PACSIN3: variants seen among roughly 807,000 people sequenced by gnomAD.
PACSIN3 encodes protein kinase C and casein kinase substrate in neurons protein 3.
Under a neutral mutation model 56.1 loss-of-function variants are expected in PACSIN3, and 34 were observed. The observed-to-expected ratio is 0.61, with a 90% CI of 0.46 to 0.81. The LOEUF is 0.81. Ranked by LOEUF, PACSIN3 falls within the 30% of genes least tolerant of loss-of-function variation. The pLI is 0.00. For missense variants in PACSIN3, 535 were observed against 592.4 expected (o/e 0.90, Z 1.01); for synonymous variants, 218 against 229.8 (o/e 0.95, Z 0.46).
At chr11:47,182,120 T>C (rs1435832529) in intron 4 of PACSIN3, among the ~76,000 whole-genome samples, 3 of 139,756 alleles carry the variant, frequency 2.1e-5, no homozygotes, top group East Asian at 2.0e-4. Flanking sequence ...CACTCCAGCA[T>C]GGGCAACAAG....
At chr11:47,181,688 G>A (rs569371365) in intron 4 of PACSIN3, among the ~76,000 whole-genome samples, 3 of 152,300 alleles carry the variant, frequency 2.0e-5, no homozygotes, top group African/African-American at 7.2e-5. Flanking sequence ...GCCAAGTGTG[G>A]TGGTCCATGC....
At chr11:47,182,378 T>C in intron 4 of PACSIN3, 25 bp downstream of exon 4, 1 of 1,582,674 alleles carries the variant, frequency 6.3e-7, no homozygotes, top group South Asian at 1.1e-5. Context: ...AGCTGCCCTC[T>C]GCCCCCTGCG....
intron 1 of PACSIN3, among the ~76,000 whole-genome samples, chr11:47,183,924 A>G (rs962339116): frequency 3.3e-5 from 5 of 152,054 alleles, no homozygotes; most frequent in Admixed American, 6.6e-5. Flanking sequence ...TAGGAGGCTG[A>G]GGCATGAGAA....
Position 47,179,243 on chromosome 11 carries a change from A to T in PACSIN3, c.816T>A (p.Ile272=). The T allele has an allele frequency of 6.2e-7, 1 of 1,613,828 alleles. No individual in the cohort carries two copies. Among genetic ancestry groups the T allele is most frequent in the Non-Finnish European group, 8.5e-7 (1 of 1,179,990 alleles). Residue 272 remains isoleucine, a synonymous_variant, in exon 8 of 11, where the codon ATT becomes ATA. Coordinates refer to ENST00000298838, the MANE Select transcript of PACSIN3 (RefSeq NM_016223.5). This position sits in a 1 kb window ranked among gnomAD's most constrained non-coding sequence, Gnocchi z 4.4. ...HELHRDLHQG[I]EAASDEEDLR... Reference sequence around the variant, plus strand: ...GATCCTCTTCGTCACTGGCTGCCTCAATGCCCTGGTGCAAGTCACGGTGGA... The same window carrying T: ...GATCCTCTTCGTCACTGGCTGCCTCTATGCCCTGGTGCAAGTCACGGTGGA...
At position 47,180,513 on chromosome 11, in the gene PACSIN3, C is replaced by A; in HGVS notation, c.389G>T (p.Arg130Leu). 6.2e-7 allele frequency: 1 copy of A among 1,603,770 alleles called. No individual in the cohort carries two copies. Among genetic ancestry groups the A allele is most frequent in the South Asian group, 1.1e-5 (1 of 90,968 alleles). ...RPVLGGFRES[R>L]AAEDGFRKAQ... ...CTTGCGGAAGCCGTCCTCGGCCGCC[C>A]GGCTCTCGCGGAAGCCGCCCAGCAC... The change falls in exon 5 of 11, where the codon CGG (arginine) becomes CTG (leucine). Residue 130 changes from arginine to leucine, a missense_variant. Physicochemically the swap from Arg to Leu is moderately radical, Grantham distance 102. Coordinates refer to ENST00000298838, the MANE Select transcript of PACSIN3 (RefSeq NM_016223.5).
rs1275020718 is a variant in PACSIN3 at position 47,186,166 on chromosome 11, C to T, written c.-104+183G>A. On this transcript the variant is annotated intron_variant, in intron 1 of 10. Transcript: ENST00000298838. This position sits in a 1 kb window ranked among gnomAD's most constrained non-coding sequence, Gnocchi z 4.5. ...CGGAATTGCGAAGCCCGCGGCACCG[C>T]AGATGGGACGGCCCCTCGGCGCGGC... is the stretch of plus-strand genomic sequence containing the variant. Among the ~76,000 whole-genome samples the T allele has an allele frequency of 6.6e-6, 1 of 151,974 alleles. No homozygotes were observed. Among genetic ancestry groups the T allele is most frequent in the Non-Finnish European group, 1.5e-5 (1 of 67,928 alleles).
Position 47,179,203 on chromosome 11 carries a change from T to C in PACSIN3, c.856A>G (p.Ser286Gly), listed in dbSNP as rs1358292268. 5 of 1,613,934 alleles carry C rather than the reference T, an allele frequency of 3.1e-6. No individual in the cohort carries two copies. Among genetic ancestry groups the C allele is most frequent in the Admixed American group, 1.7e-5 (1 of 60,018 alleles). Residue 286 changes from serine (S) to glycine (G), a missense_variant, in exon 8 of 11, where the codon AGC (serine) becomes GGC (glycine). Coordinates refer to ENST00000298838, the MANE Select transcript of PACSIN3 (RefSeq NM_016223.5). This position sits in a 1 kb window ranked among gnomAD's most constrained non-coding sequence, Gnocchi z 4.4. ...ATGGCCATGCCTGGCCCGTGGGTGCTGCGCCACCAGCGCAGATCCTCTTCG... is the reference window on the plus strand; with the variant it reads ...ATGGCCATGCCTGGCCCGTGGGTGCCGCGCCACCAGCGCAGATCCTCTTCG... ...SDEEDLRWWRSTHGPGMAMNW... is the reference protein window; with the variant it reads ...SDEEDLRWWRGTHGPGMAMNW...
At position 47,178,893 on chromosome 11, in the gene PACSIN3, C is replaced by A. The variant is rs1221400386; in HGVS notation, c.1037+1G>T. ...GCCACAGCCGCGCTCCTGGCTCTCA[C>A]CCTGGGGACCCCGGGGACTGGGGTG... is the stretch of plus-strand genomic sequence containing the variant. On this transcript the variant is annotated splice_donor_variant, in intron 9 of 10. Transcript: ENST00000298838. LOFTEE classifies it high-confidence loss of function. The surrounding 1 kb of genome is among the most constrained non-coding windows in gnomAD (Gnocchi z 4.2). 1 of 1,613,682 alleles carries A rather than the reference C, an allele frequency of 6.2e-7. No individual in the cohort carries two copies. Among genetic ancestry groups the A allele is most frequent in the Non-Finnish European group, 8.5e-7 (1 of 1,179,994 alleles).
chr11:47,184,828 C>G (rs1258843751), intron 1 of PACSIN3, among the ~76,000 whole-genome samples: 1 of 152,206 alleles, frequency 6.6e-6, no homozygotes, highest in Non-Finnish European at 1.5e-5. Context: ...GGGCCCCTTG[C>G]CTGTTCCAGC....
rs771522813 is a variant in PACSIN3, at chr11:47,182,735, C to T, written c.-8G>A. On this transcript the variant is annotated 5_prime_UTR_variant, in exon 3 of 11. Coordinates refer to ENST00000298838, the MANE Select transcript of PACSIN3 (RefSeq NM_016223.5). ...GTCCTCTTCTGGAGCCATGGTGTCC[C>T]CGCAGCACGGAATGGTGGCGGATTT... The T allele has an allele frequency of 6.2e-7, 1 of 1,610,344 alleles. No individual in the cohort carries two copies. The highest frequency in any genetic ancestry group is 8.5e-7 in the Non-Finnish European group (1 of 1,178,420).
rs372981362 is a variant in PACSIN3, at chr11:47,178,485, G to A, written c.1040C>T (p.Thr347Met). 38 of 1,613,342 alleles carry A rather than the reference G, an allele frequency of 2.4e-5. No homozygotes were observed. Among genetic ancestry groups the A allele is most frequent in the Admixed American group, 5.0e-5 (3 of 59,974 alleles). Reference protein sequence around the residue: ...PPPQSPGSPGTGQDEEWSDEE... With the variant: ...PPPQSPGSPGMGQDEEWSDEE... ...ATCTGACCACTCCTCATCCTGCCCCGTGCTGGAGAGGGGAGGCAAAGGGAG... is the reference window on the plus strand; with the variant it reads ...ATCTGACCACTCCTCATCCTGCCCCATGCTGGAGAGGGGAGGCAAAGGGAG... The change falls in exon 10 of 11, where the codon ACG becomes ATG. Residue 347 changes from threonine to methionine, a missense_variant and splice_region_variant. Transcript: ENST00000298838. This position sits in a 1 kb window ranked among gnomAD's most constrained non-coding sequence, Gnocchi z 4.2.
rs1357732825 is a variant in PACSIN3, at chr11:47,177,622, G to A, written c.*309C>T. ...TAGGCCAGAACTACACTCACCCCAA[G>A]CCCACCCCAGGAACCCCAAAGCAGA... On this transcript the variant is annotated 3_prime_UTR_variant, in exon 11 of 11. Transcript: ENST00000298838. 1 of 429,418 alleles carries A rather than the reference G, an allele frequency of 2.3e-6. No individual in the cohort carries two copies. Among genetic ancestry groups the A allele is most frequent in the Non-Finnish European group, 4.2e-6 (1 of 237,430 alleles). The allele number at this position is 429,418 out of a possible 1,614,324, so 26.6% of individuals were successfully genotyped here. A position where few individuals can be genotyped will look rare whatever the true frequency, so the allele number is the denominator to read the frequency against.
rs774465626 is a variant in PACSIN3, at chr11:47,180,659, C to T, written c.243G>A (p.Trp81Ter). The change falls in exon 5 of 11, where the codon TGG becomes TGA. Residue 81 changes from tryptophan to a stop codon, truncating the protein, a stop_gained. Transcript: ENST00000298838. LOFTEE classifies it high-confidence loss of function. ...GPQYGTLEKA[W>*]HAFFTAAERL... ...GCTCAGCCGCCGTGAAAAAGGCATG[C>T]CAGGCCTTCTCCAGTGTGCCATACT... is the stretch of plus-strand genomic sequence containing the variant. The T allele has an allele frequency of 3.7e-6, 6 of 1,602,290 alleles. No homozygotes were observed. In the African/African-American group the frequency reaches 8.0e-5, roughly 21 times the overall value.
chr11:47,177,948 C>G lies in PACSIN3; in HGVS notation c.1258G>C (p.Glu420Gln). The part of the protein sequence containing the change: ...RIGLYPANYV[E>Q]CVGA ...CAGGACACTCAGGCGCCCACACACT[C>G]CACGTAGTTGGCAGGGTACAGGCCA... Residue 420 changes from glutamate (E) to glutamine (Q), a missense_variant, in exon 11 of 11, where the codon GAG becomes CAG. Coordinates refer to ENST00000298838, the MANE Select transcript of PACSIN3 (RefSeq NM_016223.5). The G allele has an allele frequency of 6.2e-7, 1 of 1,613,630 alleles. No homozygotes were observed. Among genetic ancestry groups the G allele is most frequent in the Non-Finnish European group, 8.5e-7 (1 of 1,179,554 alleles).
At chr11:47,181,324 C>T (rs748680100) in intron 4 of PACSIN3, among the ~76,000 whole-genome samples, 1 of 152,182 alleles carries the variant, frequency 6.6e-6, no homozygotes, top group Non-Finnish European at 1.5e-5. Flanking sequence ...AAACACTACA[C>T]TCCATTGCCT....
At position 47,178,768 on chromosome 11, in the gene PACSIN3, GCCCTCAGGT is replaced by G; in HGVS notation, c.1037+117_1037+125del. The G allele has an allele frequency of 1.9e-6, 2 of 1,069,254 alleles. No individual in the cohort carries two copies. Among genetic ancestry groups the G allele is most frequent in the South Asian group, 3.0e-5 (2 of 66,592 alleles). The allele number at this position is 1,069,254 out of a possible 1,614,324, so 66.2% of individuals were successfully genotyped here. ...CAGTATCATTACAACTACTAAGTAG[GCCCTCAGGT>G]CCCTGGCACCAATTTTCAACCCATT... On this transcript the variant is annotated intron_variant, in intron 9 of 10. Transcript: ENST00000298838. The surrounding 1 kb of genome is among the most constrained non-coding windows in gnomAD (Gnocchi z 4.2).
intron 1 of PACSIN3, chr11:47,185,869 T>C: frequency 6.6e-6 from 1 of 152,384 alleles, no homozygotes; most frequent in Non-Finnish European, 1.5e-5. Flanking sequence ...CCAAACTTGT[T>C]GAACTTGGTC....
Position 47,178,307 on chromosome 11 carries a change from AC to A in PACSIN3, c.1159+58del, listed in dbSNP as rs1952929786. 3.8e-6 allele frequency: 6 copies of A among 1,593,920 alleles called. No homozygotes were observed. Among genetic ancestry groups the A allele is most frequent in the Non-Finnish European group, 5.1e-6 (6 of 1,168,216 alleles). On this transcript the variant is annotated intron_variant, in intron 10 of 10. Coordinates refer to ENST00000298838, the MANE Select transcript of PACSIN3 (RefSeq NM_016223.5). This position sits in a 1 kb window ranked among gnomAD's most constrained non-coding sequence, Gnocchi z 4.2. Reference sequence around the variant, plus strand: ...AGTGGGTATTTGGCTTCCCTTTCTGACACCCCTGCTCAGGCAGATAAGGCAG... The same window carrying A: ...AGTGGGTATTTGGCTTCCCTTTCTGAACCCCTGCTCAGGCAGATAAGGCAG...
Position 47,178,545 on chromosome 11 carries a change from C to A in PACSIN3, c.1038-58G>T. ...GTGCAAGGAACACGGGGCTGGAGATCTCACCCAGGATCAGGGCAAAGGCCT... is the reference window on the plus strand; with the variant it reads ...GTGCAAGGAACACGGGGCTGGAGATATCACCCAGGATCAGGGCAAAGGCCT... On this transcript the variant is annotated intron_variant, in intron 9 of 10. Transcript: ENST00000298838. This position sits in a 1 kb window ranked among gnomAD's most constrained non-coding sequence, Gnocchi z 4.2. The A allele has an allele frequency of 1.3e-6, 2 of 1,586,814 alleles. No individual in the cohort carries two copies. Among genetic ancestry groups the A allele is most frequent in the Admixed American group, 1.7e-5 (1 of 57,500 alleles).
Sources: allele counts gnomAD v4.1 joint callset (sites outside exome capture counted in the v4.1 genomes callset), GRCh38; gene constraint gnomAD v4.1.1; non-coding constraint Gnocchi (gnomAD v3.1); transcripts MANE v1.5; gene names NCBI Gene and HGNC (gene_info 2026-07-23, HGNC 2026-07-21).